USH2A: variants seen among roughly 807,000 people sequenced by gnomAD.
USH2A encodes the protein usherin.
In USH2A, 443 loss-of-function variants were observed where a neutral mutation model predicts 538.9. The ratio of observed to expected loss-of-function variants is 0.82; its 90% CI spans 0.76 to 0.89. The LOEUF is 0.89. USH2A is among the 40% of genes least tolerant of loss of function. The probability of loss-of-function intolerance (pLI) is 0.00; values close to 1 mark genes in which losing one functional copy is unlikely to be tolerated. For synonymous variants in USH2A, 2,413 were observed against 2,273.5 expected, an observed-to-expected ratio of 1.06 and a Z score of -1.75; for missense variants, 6,633 against 6,324.8, an observed-to-expected ratio of 1.05 and a Z score of -1.65.
intron 64 of USH2A, among the ~76,000 whole-genome samples, chr1:215,652,908 G>A (rs1469337234): frequency 6.6e-6 from 1 of 152,124 alleles, no homozygotes; most frequent in Non-Finnish European, 1.5e-5. Context: ...GGAAAATGAG[G>A]AAGAAAGTGC....
chr1:216,025,572 A>C (rs1668945034), intron 32 of USH2A, among the ~76,000 whole-genome samples: 1 of 152,090 alleles, frequency 6.6e-6, no homozygotes, highest in South Asian at 2.1e-4. Context: ...AAAATATGTA[A>C]GGCAAGCTTC....
At chr1:216,106,434 T>G (rs2032733969) in intron 21 of USH2A, among the ~76,000 whole-genome samples, 1 of 151,134 alleles carries the variant, frequency 6.6e-6, no homozygotes, top group African/African-American at 2.4e-5. Context: ...TTGTGAAATG[T>G]CTTTCAGCTG....
intron 11 of USH2A, among the ~76,000 whole-genome samples, chr1:216,287,096 G>C (rs1055189355): frequency 2.0e-5 from 3 of 152,068 alleles, no homozygotes; most frequent in Non-Finnish European, 4.4e-5. Flanking sequence ...TACACACAAA[G>C]ACACACACAA....
chr1:216,027,013 T>C (rs920782530), intron 32 of USH2A, among the ~76,000 whole-genome samples: 7 of 152,224 alleles, frequency 4.6e-5, no homozygotes, highest in African/African-American at 1.7e-4. Context: ...TATAAATGTT[T>C]GCTTAATTTT....
At chr1:216,312,908 G>C (rs553787983) in intron 9 of USH2A, among the ~76,000 whole-genome samples, 42 of 152,216 alleles carry the variant, frequency 2.8e-4, no homozygotes, top group Non-Finnish European at 5.1e-4. Flanking sequence ...ATGATGTACT[G>C]AGTAAAGGGA....
intron 37 of USH2A, among the ~76,000 whole-genome samples, chr1:215,938,592 C>T (rs745531344): frequency 6.6e-5 from 10 of 152,190 alleles, no homozygotes; most frequent in African/African-American, 1.7e-4. Context: ...CTATCGCAGG[C>T]GACCATTCCT....
intron 34 of USH2A, among the ~76,000 whole-genome samples, chr1:215,996,332 A>G (rs1668135449): frequency 6.6e-6 from 1 of 152,200 alleles, no homozygotes; most frequent in Non-Finnish European, 1.5e-5. Context: ...TAATTACTTA[A>G]AAAGTGAAGC....
At chr1:215,995,762 A>C (rs559030259) in intron 34 of USH2A, among the ~76,000 whole-genome samples, 3 of 152,234 alleles carry the variant, frequency 2.0e-5, no homozygotes, top group Non-Finnish European at 4.4e-5. Flanking sequence ...ATTTTGAAAA[A>C]TTCATAAAGG....
intron 4 of USH2A, among the ~76,000 whole-genome samples, chr1:216,353,895 C>G (rs1230533525): frequency 6.6e-6 from 1 of 152,014 alleles, no homozygotes; most frequent in South Asian, 2.1e-4. Context: ...AAGTAATAAG[C>G]CTTTTGTAGG....
At chr1:216,220,416 A>G (rs2035433606) in intron 14 of USH2A, among the ~76,000 whole-genome samples, 1 of 148,032 alleles carries the variant, frequency 6.8e-6, no homozygotes, top group Non-Finnish European at 1.5e-5. Context: ...AAAAACGGAA[A>G]CAGCATTAAT....
intron 37 of USH2A, among the ~76,000 whole-genome samples, chr1:215,947,686 C>T (rs912402556): frequency 4.6e-5 from 7 of 152,150 alleles, no homozygotes; most frequent in South Asian, 4.1e-4. Context: ...AGAAGGAGTG[C>T]GTTGATTTGT....
At chr1:215,994,209 G>A (rs1668080915) in intron 34 of USH2A, among the ~76,000 whole-genome samples, 2 of 152,136 alleles carry the variant, frequency 1.3e-5, no homozygotes, top group African/African-American at 2.4e-5. Flanking sequence ...TAAAAAAGCA[G>A]AGATATTTAG....
chr1:215,857,938 G>A (rs1664214613), intron 44 of USH2A, among the ~76,000 whole-genome samples: 1 of 152,158 alleles, frequency 6.6e-6, no homozygotes, highest in Non-Finnish European at 1.5e-5. Flanking sequence ...AGTTTTCAAG[G>A]TTGCTCTGGT....
At chr1:215,850,297 C>T (rs1233688091) in intron 44 of USH2A, among the ~76,000 whole-genome samples, 1 of 151,914 alleles carries the variant, frequency 6.6e-6, no homozygotes, top group African/African-American at 2.4e-5. Flanking sequence ...TCATTAATAC[C>T]ATTTAAATTT....
At chr1:215,764,809 C>T (rs1661080743) in intron 56 of USH2A, among the ~76,000 whole-genome samples, 1 of 151,738 alleles carries the variant, frequency 6.6e-6, no homozygotes, top group South Asian at 2.1e-4. Context: ...TAAGGTGTTC[C>T]CAAGTTAAGC....
At position 216,325,485 on chromosome 1, in the gene USH2A, A is replaced by G; in HGVS notation, c.963T>C (p.Pro321=). Residue 321 remains proline (P), a synonymous_variant, in exon 6 of 72, where the codon CCT becomes CCC. Transcript: ENST00000307340. The part of the protein sequence containing the change: ...VHPLAQRYCI[P]NDAGDTADNR... Reference sequence around the variant, plus strand: ...TATCAGCTGTGTCTCCTGCATCATTAGGAATGCAGTACCGCTGTGCCAAAG... The same window carrying G: ...TATCAGCTGTGTCTCCTGCATCATTGGGAATGCAGTACCGCTGTGCCAAAG... The G allele has an allele frequency of 1.2e-6, 2 of 1,613,956 alleles. No individual in the cohort carries two copies. Among genetic ancestry groups the G allele is most frequent in the Non-Finnish European group, 1.7e-6 (2 of 1,179,930 alleles).
At chr1:215,931,879 C>T (rs1037376215) in intron 38 of USH2A, among the ~76,000 whole-genome samples, 1 of 151,854 alleles carries the variant, frequency 6.6e-6, no homozygotes, top group African/African-American at 2.4e-5. Flanking sequence ...CAGAAAGGCC[C>T]TATCTCAGCC....
In USH2A at chr1:215,680,408, T is replaced by G. The variant is rs750723189; in HGVS notation, c.12067-32A>C. The G allele has an allele frequency of 1.8e-5, 15 of 844,466 alleles. No homozygotes were observed. The African/African-American group carries it at 1.8e-4, about 10-fold the overall frequency. 52.3% of individuals were successfully genotyped at this position (844,466 alleles called of 1,614,324 possible). A position where few individuals can be genotyped will look rare whatever the true frequency, so the allele number is the denominator to read the frequency against. On this transcript the variant is annotated intron_variant, in intron 61 of 71. Coordinates refer to ENST00000307340, the MANE Select transcript of USH2A (RefSeq NM_206933.4). Reference sequence around the variant, plus strand: ...GAAAATTAACAGGTTAAGTTGTTGTTTTTTTTTTTTGAAACTGACAATATT... The same window carrying G: ...GAAAATTAACAGGTTAAGTTGTTGTGTTTTTTTTTTGAAACTGACAATATT...
intron 35 of USH2A, among the ~76,000 whole-genome samples, chr1:215,976,296 TTTTA>T (rs1467482453): frequency 6.6e-6 from 1 of 152,192 alleles, no homozygotes; most frequent in Non-Finnish European, 1.5e-5. Context: ...GTAGGATTTC[TTTTA>T]TTTCTTTCTT....
Sources: allele counts gnomAD v4.1 joint callset (sites outside exome capture counted in the v4.1 genomes callset), GRCh38; gene constraint gnomAD v4.1.1; transcripts MANE v1.5; gene names NCBI Gene and HGNC (gene_info 2026-07-23, HGNC 2026-07-21).